RAB11FIP1: variants seen among roughly 807,000 people sequenced by gnomAD.
The protein encoded by RAB11FIP1 is RAB11 family interacting protein 1, also known as rab11 family-interacting protein 1.
Under a neutral mutation model 83.1 loss-of-function variants are expected in RAB11FIP1, and 49 were observed. The observed-to-expected ratio is 0.59, with a 90% CI of 0.47 to 0.75. The LOEUF is 0.75. RAB11FIP1 is among the 30% of genes least tolerant of loss of function. RAB11FIP1 has a pLI of 0.00. For missense variants in RAB11FIP1, 1,536 were observed against 1,598.7 expected (o/e 0.96, Z 0.67); for synonymous variants, 670 against 656.0 (o/e 1.02, Z -0.33).
chr8:37,875,107 G>A lies in RAB11FIP1; in HGVS notation c.1030C>T (p.Pro344Ser). ...TTCTTTCTGAAGCCCTTGGGGGATG[G>A]GGAGGAGGACGGGCTGCTATCCTTG... is the stretch of plus-strand genomic sequence containing the variant. ...EIKDSSPSSS[P>S]SPKGFRKKHL... Residue 344 changes from proline (P) to serine (S), a missense_variant, in exon 3 of 6, where the codon CCA becomes TCA. By Grantham distance (74) the Pro-to-Ser change is moderately conservative. Coordinates refer to ENST00000330843, the MANE Select transcript of RAB11FIP1 (RefSeq NM_001002814.3). The A allele has an allele frequency of 6.2e-7, 1 of 1,614,134 alleles. No homozygotes were observed. Among genetic ancestry groups the A allele is most frequent in the South Asian group, 1.1e-5 (1 of 91,072 alleles).
chr8:37,873,092 G>A lies in RAB11FIP1; in HGVS notation c.1710C>T (p.Ser570=). Residue 570 remains serine, a synonymous_variant, in exon 4 of 6, where the codon AGC becomes AGT. Coordinates refer to ENST00000330843, the MANE Select transcript of RAB11FIP1 (RefSeq NM_001002814.3). ...CAGAGGGGACAGATGCCTGGCCAGA[G>A]CTAGAAGGAAGAGGAGGAAGAGAGG... ...SPSSLPPLPS[S]SGQASVPSEL... 1 of 1,614,030 alleles carries A rather than the reference G, an allele frequency of 6.2e-7. No homozygotes were observed. The highest frequency in any genetic ancestry group is 8.5e-7 in the Non-Finnish European group (1 of 1,180,010).
At chr8:37,888,938 CA>C (rs1806891679) in intron 1 of RAB11FIP1, among the ~76,000 whole-genome samples, 1 of 151,894 alleles carries the variant, frequency 6.6e-6, no homozygotes, top group African/African-American at 2.4e-5. Flanking sequence ...GCTGGGATTA[CA>C]AGCACCCGCC....
At chr8:37,877,025 T>G (rs973217804) in intron 2 of RAB11FIP1, 84 bp downstream of exon 2, 9 of 1,011,206 alleles carry the variant, frequency 8.9e-6, no homozygotes, top group Middle Eastern at 2.2e-4. Flanking sequence ...CTCTTTCTCT[T>G]GAGATTTGTC....
chr8:37,863,129 A>G lies in RAB11FIP1; in HGVS notation c.3634-16T>C, dbSNP rs115499937. The G allele has an allele frequency of 1.9e-6, 3 of 1,599,090 alleles. No homozygotes were observed. The highest frequency in any genetic ancestry group is 2.6e-6 in the Non-Finnish European group (3 of 1,169,282). On this transcript the variant is annotated splice_polypyrimidine_tract_variant and intron_variant, in intron 5 of 5. Coordinates refer to ENST00000330843, the MANE Select transcript of RAB11FIP1 (RefSeq NM_001002814.3). Reference sequence around the variant, plus strand: ...GGCTGTATTTCTTTGGAGGGGGGGAAATAGTTGGGAAAAAGGAGTTATAAA... The same window carrying G: ...GGCTGTATTTCTTTGGAGGGGGGGAGATAGTTGGGAAAAAGGAGTTATAAA...
At chr8:37,886,371 A>G (rs775353280) in intron 1 of RAB11FIP1, among the ~76,000 whole-genome samples, 2 of 152,216 alleles carry the variant, frequency 1.3e-5, no homozygotes, top group African/African-American at 4.8e-5. Context: ...TTAAGCCCCA[A>G]CAGGCTATCA....
rs947567970 is a variant in RAB11FIP1 at position 37,863,127 on chromosome 8, G to T, written c.3634-14C>A. On this transcript the variant is annotated splice_polypyrimidine_tract_variant and intron_variant, in intron 5 of 5. Transcript: ENST00000330843. The stretch of plus-strand genomic sequence containing the variant: ...GGGGCTGTATTTCTTTGGAGGGGGG[G>T]AAATAGTTGGGAAAAAGGAGTTATA... 10 of 1,599,088 alleles carry T rather than the reference G, an allele frequency of 6.3e-6. No individual in the cohort carries two copies. The highest frequency in any genetic ancestry group is 1.7e-5 in the Admixed American group (1 of 59,226).
chr8:37,862,861 C>A lies in RAB11FIP1; in HGVS notation c.*34G>T. ...CCCCTGGAGCAGGTGAAAGTGAAGT[C>A]ACAGAAACGTCTCGGTGTTTTTTTT... On this transcript the variant is annotated 3_prime_UTR_variant, in exon 6 of 6. Transcript: ENST00000330843. 1.9e-6 allele frequency: 3 copies of A among 1,565,958 alleles called. No homozygotes were observed. In the South Asian group the frequency reaches 3.4e-5, roughly 18 times the overall value.
intron 4 of RAB11FIP1, 116 bp downstream of exon 4, chr8:37,871,162 G>T: frequency 7.2e-7 from 1 of 1,381,810 alleles, no homozygotes; most frequent in Non-Finnish European, 9.7e-7. Context: ...GCAGGACAGT[G>T]ACAGGTGGGT....
chr8:37,881,171 C>T (rs1361063082), intron 1 of RAB11FIP1, among the ~76,000 whole-genome samples: 2 of 152,196 alleles, frequency 1.3e-5, no homozygotes, highest in African/African-American at 2.4e-5. Context: ...AAGAACGACA[C>T]GGAGTAGATA....
At position 37,862,501 on chromosome 8, in the gene RAB11FIP1, A is replaced by G. The variant is rs1806257180; in HGVS notation, c.*394T>C. On this transcript the variant is annotated 3_prime_UTR_variant, in exon 6 of 6. Transcript: ENST00000330843. ...TTTCTCATTTAAAGCTTTCTCAGGT[A>G]AGCTTTAAGAGCTGGAGGATACATA... is the stretch of plus-strand genomic sequence containing the variant. 1 of 170,542 alleles carries G rather than the reference A, an allele frequency of 5.9e-6. No individual in the cohort carries two copies. 10.6% of individuals were successfully genotyped at this position (170,542 alleles called of 1,614,324 possible). A position where few individuals can be genotyped will look rare whatever the true frequency, so the allele number is the denominator to read the frequency against.
At chr8:37,867,469 C>A (rs897662071) in intron 5 of RAB11FIP1, among the ~76,000 whole-genome samples, 2 of 152,250 alleles carry the variant, frequency 1.3e-5, no homozygotes, top group Non-Finnish European at 1.5e-5. Context: ...CTTTGGGAGG[C>A]CGAGGTGGGT....
At chr8:37,875,815 AAG>A (rs1162376257) in intron 2 of RAB11FIP1, among the ~76,000 whole-genome samples, 1 of 152,128 alleles carries the variant, frequency 6.6e-6, no homozygotes, top group Non-Finnish European at 1.5e-5. Context: ...CCTTAAAAAA[AAG>A]AAAAAAAAAA....
At chr8:37,894,358 A>G (rs1257385784) in intron 1 of RAB11FIP1, among the ~76,000 whole-genome samples, 1 of 152,096 alleles carries the variant, frequency 6.6e-6, no homozygotes, top group African/African-American at 2.4e-5. Context: ...TTTTTTTAAT[A>G]ACCAACATTT....
At position 37,871,984 on chromosome 8, in the gene RAB11FIP1, C is replaced by T; in HGVS notation, c.2818G>A (p.Asp940Asn). The T allele has an allele frequency of 4.3e-6, 7 of 1,614,180 alleles. No homozygotes were observed. Among genetic ancestry groups the T allele is most frequent in the Non-Finnish European group, 5.9e-6 (7 of 1,180,048 alleles). The change falls in exon 4 of 6, where the codon GAC becomes AAC. Residue 940 changes from aspartate to asparagine, a missense_variant. Transcript: ENST00000330843. Reference protein sequence around the residue: ...HEGLLSDPLSDLQLVSDFKSP... With the variant: ...HEGLLSDPLSNLQLVSDFKSP... ...TTAAAATCTGAGACCAACTGAAGGT[C>T]ACTCAAGGGGTCAGACAATAAACCT...
chr8:37,899,276 C>G lies in RAB11FIP1; in HGVS notation c.166G>C (p.Val56Leu). The change falls in exon 1 of 6, where the codon GTG becomes CTG. Residue 56 changes from valine to leucine, a missense_variant. Physicochemically the swap from Val to Leu is conservative, Grantham distance 32. Transcript: ENST00000330843. This position sits in a 1 kb window ranked among gnomAD's most constrained non-coding sequence, Gnocchi z 4.5. ...QVGKEKYATS[V>L]SERSLGAPVW... Reference sequence around the variant, plus strand: ...GGCGCGCCCAGGCTGCGCTCCGACACGGAGGTGGCGTACTTCTCCTTGCCC... The same window carrying G: ...GGCGCGCCCAGGCTGCGCTCCGACAGGGAGGTGGCGTACTTCTCCTTGCCC... The G allele has an allele frequency of 6.2e-7, 1 of 1,608,150 alleles. No homozygotes were observed. Among genetic ancestry groups the G allele is most frequent in the Non-Finnish European group, 8.5e-7 (1 of 1,178,584 alleles).
At position 37,860,249 on chromosome 8, in the gene RAB11FIP1, C is replaced by T. The variant is rs1433170588; in HGVS notation, c.*2646G>A. On this transcript the variant is annotated 3_prime_UTR_variant, in exon 6 of 6. Transcript: ENST00000330843. ...AATGGAAGAAGAACCACATAGAGCA[C>T]ACCTGCCCCCCAGGGCACTTGGACT... 1 of 152,736 alleles carries T rather than the reference C, an allele frequency of 6.5e-6. No individual in the cohort carries two copies. Among genetic ancestry groups the T allele is most frequent in the Non-Finnish European group, 1.5e-5 (1 of 68,090 alleles). 9.5% of individuals were successfully genotyped at this position (152,736 alleles called of 1,614,324 possible).
chr8:37,861,066 A>AG lies in RAB11FIP1; in HGVS notation c.*1828dup, dbSNP rs1388776597. ...TCAAGATTAGATGAGATTCTATCAT[A>AG]GCCAGGGAAAAAAATGAGAAATACC... On this transcript the variant is annotated 3_prime_UTR_variant, in exon 6 of 6. Transcript: ENST00000330843. 1.3e-5 allele frequency: 2 copies of AG among 153,238 alleles called. No individual in the cohort carries two copies. The highest frequency in any genetic ancestry group is 1.3e-4 in the Admixed American group (2 of 15,386). The allele number at this position is 153,238 out of a possible 1,614,324, so 9.5% of individuals were successfully genotyped here.
Position 37,872,057 on chromosome 8 carries a change from TC to T in RAB11FIP1, c.2744del (p.Gly915GlufsTer6), listed in dbSNP as rs1206587930. On this transcript the variant is annotated frameshift_variant, in exon 4 of 6. Coordinates refer to ENST00000330843, the MANE Select transcript of RAB11FIP1 (RefSeq NM_001002814.3). LOFTEE classifies it high-confidence loss of function. ...GATACTGAGTCACAAGGGCATCCTCTCCCTCCATCCTAAAGAGTGGAGTGTC... is the reference window on the plus strand; with the variant it reads ...GATACTGAGTCACAAGGGCATCCTCTCCTCCATCCTAAAGAGTGGAGTGTC... ...AKDTPLFRME[G>X]EDALVTQYQS... is the part of the protein sequence containing the mutation. 6.2e-7 allele frequency: 1 copy of T among 1,613,896 alleles called. No individual in the cohort carries two copies. The highest frequency in any genetic ancestry group is 8.5e-7 in the Non-Finnish European group (1 of 1,179,998).
At chr8:37,885,895 T>A (rs4976887) in intron 1 of RAB11FIP1, among the ~76,000 whole-genome samples, 1 of 152,206 alleles carries the variant, frequency 6.6e-6, no homozygotes, top group African/African-American at 2.4e-5. Context: ...ATCCCAGGGG[T>A]CCTTCTGTCG....
Sources: gnomAD v4.1 joint callset for allele counts (sites outside exome capture counted in the v4.1 genomes callset) on GRCh38, gnomAD v4.1.1 for gene constraint, Gnocchi (gnomAD v3.1) non-coding constraint, MANE v1.5 for transcripts, NCBI Gene and HGNC (gene_info 2026-07-23, HGNC 2026-07-21) for gene names.